The following MIAT variants were observed in gnomAD, a reference collection of about 807,000 sequenced individuals.
The protein encoded by MIAT is myocardial infarction associated transcript.
At chr22:26,672,929 A>G, downstream of MIAT, 1 of 398,612 alleles carries the variant, frequency 2.5e-6, no homozygotes, top group Non-Finnish European at 4.4e-6. Context: ...CCCACACAGG[A>G]AGTCAGCTAG....
intron 3 of MIAT, chr22:26,665,416 C>A: frequency 2.5e-6 from 1 of 398,474 alleles, no homozygotes; most frequent in South Asian, 1.3e-4. Context: ...AGCTAAAGGT[C>A]CCTTGAAACC....
chr22:26,670,602 TA>T (rs34401113), downstream of MIAT: 8,262 of 303,898 alleles, frequency 0.027, 2 homozygotes, highest in Middle Eastern at 0.041. Context: ...CATTGCTCCT[TA>T]AAAAAAAAAA....
At chr22:26,670,274 T>A (rs141721651), downstream of MIAT, 2,495 of 398,486 alleles carry the variant, frequency 6.3e-3, 55 homozygotes, top group East Asian at 0.024. Context: ...TTGGGCCCTT[T>A]CCCGTGCTAG....
At chr22:26,656,516 C>T (rs1450489250) in intron 2 of MIAT, among the ~76,000 whole-genome samples, 1 of 151,784 alleles carries the variant, frequency 6.6e-6, no homozygotes, top group Non-Finnish European at 1.5e-5. Flanking sequence ...TGGGGTTTCA[C>T]CATGTTGGCC....
intron 4 of MIAT, chr22:26,667,068 AG>A: frequency 5.5e-6 from 1 of 183,160 alleles, no homozygotes; most frequent in Middle Eastern, 2.0e-3. Context: ...GAAGATGGCC[AG>A]GGAGCCAGGT....
At chr22:26,663,267 G>T (rs1395484058) in intron 2 of MIAT, 3 of 398,352 alleles carry the variant, frequency 7.5e-6, no homozygotes, top group East Asian at 7.1e-5. Flanking sequence ...CTGTACCCAT[G>T]GGTATGTATT....
intron 3 of MIAT, among the ~76,000 whole-genome samples, chr22:26,664,121 C>T (rs1429192012): frequency 6.6e-6 from 1 of 151,464 alleles, no homozygotes; most frequent in Non-Finnish European, 1.5e-5. Context: ...AAGTGATTCT[C>T]CTGCCTCAGT....
chr22:26,653,826 G>A (rs374412269), intron 2 of MIAT, among the ~76,000 whole-genome samples: 20 of 152,052 alleles, frequency 1.3e-4, no homozygotes, highest in Non-Finnish European at 2.4e-4. Context: ...TGCAACTTCC[G>A]CCTCCCAGGT....
chr22:26,667,433 C>CGT, intron 5 of MIAT: 3 of 317,868 alleles, frequency 9.4e-6, no homozygotes, highest in Middle Eastern at 7.7e-4. Context: ...TGTATGCGCG[C>CGT]GTGTGTGTGT....
intron 2 of MIAT, chr22:26,650,480 C>G (rs965646217): frequency 1.3e-5 from 2 of 152,300 alleles, no homozygotes; most frequent in Non-Finnish European, 2.9e-5. Context: ...CCAAGGCTTC[C>G]TGGTACCAAT....
intron 2 of MIAT, among the ~76,000 whole-genome samples, chr22:26,650,674 C>A (rs1317512158): frequency 6.6e-6 from 1 of 152,178 alleles, no homozygotes; most frequent in Admixed American, 6.5e-5. Flanking sequence ...TTGACCATGG[C>A]ATTGATCCTG....
chr22:26,674,208 CTT>C (rs2146022810), downstream of MIAT: 1 of 398,644 alleles, frequency 2.5e-6, no homozygotes, highest in East Asian at 3.6e-5. Context: ...CCTGTTCTAA[CTT>C]TTAGCTCTTC....
At chr22:26,665,978 C>T (rs773616110) in exon 4 of MIAT, 1 of 398,510 alleles carries the variant, frequency 2.5e-6, no homozygotes, top group Admixed American at 4.4e-5. Context: ...AGTTTCAGCA[C>T]TTTGTGATCA....
chr22:26,656,846 G>A (rs191366631), intron 2 of MIAT, among the ~76,000 whole-genome samples: 5 of 152,148 alleles, frequency 3.3e-5, no homozygotes, highest in East Asian at 1.9e-4. Context: ...GTTCGGGGGG[G>A]TGCGGTGAGC....
chr22:26,670,697 A>G, downstream of MIAT: 1 of 397,766 alleles, frequency 2.5e-6, no homozygotes, highest in Non-Finnish European at 4.4e-6. Flanking sequence ...TAAAATGCTA[A>G]TGGCAATTTC....
exon 5 of MIAT, chr22:26,674,695 C>T (rs1931195947): frequency 5.0e-6 from 2 of 398,488 alleles, no homozygotes; most frequent in Admixed American, 8.8e-5. Flanking sequence ...CTGGCAGGGA[C>T]CTTGGATGGG....
intron 2 of MIAT, among the ~76,000 whole-genome samples, chr22:26,659,836 CTTTCTTTTT>C (rs1186648331): frequency 1.2e-5 from 1 of 81,322 alleles, no homozygotes; most frequent in African/African-American, 4.1e-5. Flanking sequence ...TTCTTTCTTT[CTTTCTTTTT>C]TTTTTTTTTG....
downstream of MIAT, chr22:26,673,917 T>G (rs1403721771): frequency 5.0e-6 from 2 of 398,558 alleles, no homozygotes; most frequent in Non-Finnish European, 8.8e-6. Flanking sequence ...CTCCTCATAG[T>G]CTGCATTTGG....
chr22:26,651,896 C>T (rs979357802), intron 2 of MIAT, among the ~76,000 whole-genome samples: 1 of 152,186 alleles, frequency 6.6e-6, no homozygotes, highest in African/African-American at 2.4e-5. Flanking sequence ...ACTAGCTAGA[C>T]CTGGTGGCAG....
Sources: allele counts gnomAD v4.1 joint callset (sites outside exome capture counted in the v4.1 genomes callset), GRCh38; gene constraint gnomAD v4.1.1; transcripts MANE v1.5; gene names NCBI Gene and HGNC (gene_info 2026-07-23, HGNC 2026-07-21).